The following GPCPD1 variants were observed in gnomAD, a reference collection of about 807,000 sequenced individuals.
The protein encoded by GPCPD1 is glycerophosphocholine phosphodiesterase 1.
A neutral mutation model predicts 89.2 loss-of-function variants in GPCPD1; 29 were observed. The ratio of observed to expected loss-of-function variants is 0.33; its 90% CI spans 0.24 to 0.44. The LOEUF (loss-of-function observed/expected upper bound fraction) is 0.44, where lower values mean the gene tolerates loss of function less well. Ranked by LOEUF, GPCPD1 falls within the 20% of genes least tolerant of loss-of-function variation. The probability of loss-of-function intolerance (pLI) is 1.00; values close to 1 mark genes in which losing one functional copy is unlikely to be tolerated. For missense variants in GPCPD1, 594 were observed against 808.9 expected (o/e 0.73, Z 3.22); for synonymous variants, 258 against 266.3 (o/e 0.97, Z 0.30).
At chr20:5,550,273 T>A (rs2122524067) in intron 19 of GPCPD1, among the ~76,000 whole-genome samples, 1 of 88,964 alleles carries the variant, frequency 1.1e-5, no homozygotes, top group African/African-American at 4.2e-5. Context: ...AGAAAACCTT[T>A]CAAATGAAGC....
Position 5,545,870 on chromosome 20 carries a change from C to G in GPCPD1, c.*1791G>C, listed in dbSNP as rs1985003654. The G allele has an allele frequency of 6.6e-6, 1 of 152,290 alleles. No homozygotes were observed. The highest frequency in any genetic ancestry group is 6.5e-5 in the Admixed American group (1 of 15,280). 9.4% of individuals were successfully genotyped at this position (152,290 alleles called of 1,614,324 possible). A position where few individuals can be genotyped will look rare whatever the true frequency, so the allele number is the denominator to read the frequency against. ...ATCCTTTCTTCTGTCTCCTTTTTCT[C>G]TTTATGATCTGCTTCCCCTCTGTCC... On this transcript the variant is annotated 3_prime_UTR_variant, in exon 20 of 20. Coordinates refer to ENST00000379019, the MANE Select transcript of GPCPD1 (RefSeq NM_019593.5).
intron 2 of GPCPD1, among the ~76,000 whole-genome samples, chr20:5,602,596 T>C (rs373332231): frequency 5.3e-5 from 8 of 152,266 alleles, no homozygotes; most frequent in South Asian, 4.1e-4. Flanking sequence ...GTGTGAGTCA[T>C]TCACTCATTC....
chr20:5,547,399 A>G lies in GPCPD1; in HGVS notation c.*262T>C, dbSNP rs1415190500. On this transcript the variant is annotated 3_prime_UTR_variant, in exon 20 of 20. Coordinates refer to ENST00000379019, the MANE Select transcript of GPCPD1 (RefSeq NM_019593.5). ...TTTTAATGAACATATGTTTAACATT[A>G]TAGATTTATATATTTAGTTTAAAAT... The G allele has an allele frequency of 1.0e-5, 2 of 198,668 alleles. No homozygotes were observed. Among genetic ancestry groups the G allele is most frequent in the Non-Finnish European group, 2.0e-5 (2 of 99,688 alleles). 12.3% of individuals were successfully genotyped at this position (198,668 alleles called of 1,614,324 possible).
At chr20:5,588,494 G>A (rs1979087969) in intron 4 of GPCPD1, among the ~76,000 whole-genome samples, 1 of 151,398 alleles carries the variant, frequency 6.6e-6, no homozygotes, top group South Asian at 2.1e-4. Context: ...GACAGAGTGA[G>A]ACTCCTTCTC....
chr20:5,561,900 C>T (rs6053499), intron 15 of GPCPD1, among the ~76,000 whole-genome samples: 110,809 of 152,098 alleles, frequency 0.73, 41,739 homozygotes, highest in African/African-American at 0.92. Flanking sequence ...GTATTCTACA[C>T]TGCATTTGGG....
intron 4 of GPCPD1, among the ~76,000 whole-genome samples, chr20:5,586,887 G>A (rs1232164532): frequency 6.6e-6 from 1 of 152,200 alleles, no homozygotes; most frequent in Non-Finnish European, 1.5e-5. Flanking sequence ...GAAGGGACAT[G>A]TGGCCAGGTA....
chr20:5,554,374 C>T (rs937110148), intron 19 of GPCPD1, among the ~76,000 whole-genome samples: 6 of 152,144 alleles, frequency 3.9e-5, no homozygotes, highest in Non-Finnish European at 8.8e-5. Context: ...CAATGCCTGG[C>T]TTCAAAGCTT....
At chr20:5,566,551 C>A (rs1986402506) in intron 14 of GPCPD1, among the ~76,000 whole-genome samples, 182 bp downstream of exon 14, 1 of 152,220 alleles carries the variant, frequency 6.6e-6, no homozygotes, top group African/African-American at 2.4e-5. Context: ...TTACTATACA[C>A]ATGATATATA....
At position 5,592,960 on chromosome 20, in the gene GPCPD1, T is replaced by C. The variant is rs375574368; in HGVS notation, c.231+367A>G. Among the ~76,000 whole-genome samples the C allele has an allele frequency of 7.2e-5, 11 of 152,314 alleles. No homozygotes were observed. The East Asian group carries it at 1.2e-3, about 16-fold the overall frequency. On this transcript the variant is annotated intron_variant, in intron 4 of 19. Coordinates refer to ENST00000379019, the MANE Select transcript of GPCPD1 (RefSeq NM_019593.5). Reference sequence around the variant, plus strand: ...TTAATTACTCACTTAAAACAGGCTATATACTTCTCTAAATGTATTTACATC... The same window carrying C: ...TTAATTACTCACTTAAAACAGGCTACATACTTCTCTAAATGTATTTACATC...
chr20:5,608,146 AT>A (rs1163721939), intron 1 of GPCPD1, among the ~76,000 whole-genome samples: 1 of 152,232 alleles, frequency 6.6e-6, no homozygotes, highest in East Asian at 1.9e-4. Flanking sequence ...ATGAAAGCAA[AT>A]GGAAAACTTA....
chr20:5,563,510 CTTATTTAT>C (rs1421360594), intron 15 of GPCPD1, among the ~76,000 whole-genome samples: 1 of 151,878 alleles, frequency 6.6e-6, no homozygotes, highest in Non-Finnish European at 1.5e-5. Flanking sequence ...TTACATTTTA[CTTATTTAT>C]TTATTTTTGA....
rs143643259 is a variant in GPCPD1 at position 5,605,567 on chromosome 20, T to G, written c.-28-1127A>C. Among the ~76,000 whole-genome samples, 704 of 152,228 alleles carry G rather than the reference T, an allele frequency of 4.6e-3. 9 individuals are homozygous for G. The highest frequency in any genetic ancestry group is 0.016 in the African/African-American group (656 of 41,524). On this transcript the variant is annotated intron_variant, in intron 1 of 19. Coordinates refer to ENST00000379019, the MANE Select transcript of GPCPD1 (RefSeq NM_019593.5). ...GCCGAGGAGGGCAGATCACTTGAGG[T>G]CAGGAGTTCAAGACCAGCCTGACCA...
chr20:5,580,727 C>CAAAAAAA (rs35415062), intron 6 of GPCPD1, among the ~76,000 whole-genome samples: 1 of 85,930 alleles, frequency 1.2e-5, no homozygotes. Context: ...CTCCATCTCA[C>CAAAAAAA]AAAAAAAAAA....
Position 5,584,278 on chromosome 20 carries a change from T to A in GPCPD1, c.349+3A>T. 1 of 1,347,070 alleles carries A rather than the reference T, an allele frequency of 7.4e-7. No homozygotes were observed. 83.4% of individuals were successfully genotyped at this position (1,347,070 alleles called of 1,614,324 possible). A position where few individuals can be genotyped will look rare whatever the true frequency, so the allele number is the denominator to read the frequency against. On this transcript the variant is annotated splice_donor_region_variant and intron_variant, in intron 6 of 19. Coordinates refer to ENST00000379019, the MANE Select transcript of GPCPD1 (RefSeq NM_019593.5). ...AACATTTAAGTAAGTCAGTCTCACT[T>A]ACTGTGGATTCCAAATTGTCCATCG...
At chr20:5,594,583 G>T (rs926772362) in intron 3 of GPCPD1, among the ~76,000 whole-genome samples, 1 of 151,052 alleles carries the variant, frequency 6.6e-6, no homozygotes, top group African/African-American at 2.4e-5. Context: ...TGAGCCACCA[G>T]GCCCGGCCGC....
At chr20:5,554,352 C>A (rs941558120) in intron 19 of GPCPD1, among the ~76,000 whole-genome samples, 2 of 152,140 alleles carry the variant, frequency 1.3e-5, no homozygotes, top group Admixed American at 1.3e-4. Flanking sequence ...CCTTTCACAG[C>A]TTGAGAGATG....
chr20:5,600,053 A>G (rs1423653596), intron 2 of GPCPD1, among the ~76,000 whole-genome samples: 1 of 152,254 alleles, frequency 6.6e-6, no homozygotes. Flanking sequence ...ATAAAGAAAA[A>G]GATAATGAAC....
rs1979920248 is a variant in GPCPD1 at position 5,598,818 on chromosome 20, T to C, written c.53A>G (p.Glu18Gly). The C allele has an allele frequency of 1.3e-6, 2 of 1,596,770 alleles. No individual in the cohort carries two copies. Among genetic ancestry groups the C allele is most frequent in the Non-Finnish European group, 1.7e-6 (2 of 1,164,492 alleles). ...FEIRGTLLPGEVFAICGSCDA... is the reference protein window; with the variant it reads ...FEIRGTLLPGGVFAICGSCDA... ...ACAGCTTCCACATATCGCAAAAACTTCTCCTAAAGAAACAGAACAATCAGT... is the reference window on the plus strand; with the variant it reads ...ACAGCTTCCACATATCGCAAAAACTCCTCCTAAAGAAACAGAACAATCAGT... The change falls in exon 3 of 20, where the codon GAA becomes GGA. Residue 18 changes from glutamate (E) to glycine (G), a missense_variant. Coordinates refer to ENST00000379019, the MANE Select transcript of GPCPD1 (RefSeq NM_019593.5).
chr20:5,571,061 T>G lies in GPCPD1; in HGVS notation c.1057-822A>C, dbSNP rs547252430. On this transcript the variant is annotated intron_variant, in intron 11 of 19. Transcript: ENST00000379019. ...GATAGAAGGAAGCAAGGTTTGAAAA[T>G]TCTGTAACACTACTTTACTGAAAAG... 2.6e-5 allele frequency among the ~76,000 whole-genome samples: 4 copies of G among 152,182 alleles called. No individual in the cohort carries two copies. The South Asian group carries it at 8.3e-4, about 32-fold the overall frequency.
Sources: gnomAD v4.1 joint callset for allele counts (sites outside exome capture counted in the v4.1 genomes callset) on GRCh38, gnomAD v4.1.1 for gene constraint, MANE v1.5 for transcripts, NCBI Gene and HGNC (gene_info 2026-07-23, HGNC 2026-07-21) for gene names.